BMP2: variants seen among roughly 807,000 people sequenced by gnomAD.
BMP2 encodes bone morphogenetic protein 2, also known as bone morphogenetic protein 2A.
BMP2 carries 2 observed loss-of-function variants against 28.8 expected under a neutral mutation model. The ratio of observed to expected loss-of-function variants is 0.07; its 90% CI spans 0.03 to 0.22. The LOEUF (loss-of-function observed/expected upper bound fraction) is 0.22. BMP2 is among the 10% of genes least tolerant of loss of function. The pLI, the probability that BMP2 is intolerant of heterozygous loss-of-function variation, is 1.00. For synonymous variants in BMP2, 218 were observed against 204.3 expected, an observed-to-expected ratio of 1.07 and a Z score of -0.57; for missense variants, 437 against 517.7, an observed-to-expected ratio of 0.84 and a Z score of 1.51.
chr20:6,776,872 T>TA lies in BMP2; in HGVS notation c.347-1372dup, dbSNP rs146314970. The stretch of plus-strand genomic sequence containing the variant: ...AGGCATCTAGATTCAGTGCACAACT[T>TA]ACAGCTGTTTGTCTTTAGGGGAAAT... On this transcript the variant is annotated intron_variant, in intron 2 of 2. Coordinates refer to ENST00000378827, the MANE Select transcript of BMP2 (RefSeq NM_001200.4). 0.013 allele frequency among the ~76,000 whole-genome samples: 2,032 copies of TA among 152,346 alleles called. 137 individuals carry two copies. The East Asian group carries it at 0.2, about 15-fold the overall frequency.
rs1320460456 is a variant in BMP2, at chr20:6,767,957, G to A, written c.-926G>A. On this transcript the variant is annotated 5_prime_UTR_variant, in exon 1 of 3. Transcript: ENST00000378827. The stretch of plus-strand genomic sequence containing the variant: ...ACAGCGCCGTGGCCTCTGCTGCCCG[G>A]GCTGCGCCAGAGCCGCGGACGGGCG... 1 of 395,910 alleles carries A rather than the reference G, an allele frequency of 2.5e-6. No individual in the cohort carries two copies. Among genetic ancestry groups the A allele is most frequent in the East Asian group, 3.6e-5 (1 of 27,850 alleles). The allele number at this position is 395,910 out of a possible 1,614,324, so 24.5% of individuals were successfully genotyped here. A position where few individuals can be genotyped will look rare whatever the true frequency, so the allele number is the denominator to read the frequency against.
chr20:6,774,424 G>A (rs1259213239), intron 2 of BMP2, among the ~76,000 whole-genome samples: 1 of 152,142 alleles, frequency 6.6e-6, no homozygotes, highest in Non-Finnish European at 1.5e-5. Flanking sequence ...TAATTGGGAG[G>A]CTGAGATGGG....
Position 6,767,842 on chromosome 20 carries a change from C to T in BMP2, c.-1041C>T. On this transcript the variant is annotated 5_prime_UTR_variant, in exon 1 of 3. Coordinates refer to ENST00000378827, the MANE Select transcript of BMP2 (RefSeq NM_001200.4). The stretch of plus-strand genomic sequence containing the variant: ...CCTCCGCCGGCTACCCGAACGTTCT[C>T]GGGGCCAGCGCCGAGTGGATCACCG... 8.6e-6 allele frequency: 3 copies of T among 346,920 alleles called. No homozygotes were observed. Among genetic ancestry groups the T allele is most frequent in the Non-Finnish European group, 1.6e-5 (3 of 193,284 alleles). 21.5% of individuals were successfully genotyped at this position (346,920 alleles called of 1,614,324 possible).
rs1468780503 is a variant in BMP2, at chr20:6,769,538, AG to A, written c.-7-578del. ...TGCCTTTCGAGACACCCCTGAGGGT[AG>A]GGGCCTGGGACACAAGTCATAAGTG... On this transcript the variant is annotated intron_variant, in intron 1 of 2. Coordinates refer to ENST00000378827, the MANE Select transcript of BMP2 (RefSeq NM_001200.4). 4.0e-5 allele frequency among the ~76,000 whole-genome samples: 6 copies of A among 151,690 alleles called. No homozygotes were observed. The East Asian group carries it at 1.2e-3, about 30-fold the overall frequency.
At chr20:6,773,336 A>AT (rs770239292) in intron 2 of BMP2, among the ~76,000 whole-genome samples, 5 of 152,252 alleles carry the variant, frequency 3.3e-5, no homozygotes, top group Non-Finnish European at 7.3e-5. Context: ...CTTACCTGGT[A>AT]TGGTTCCCTA....
At chr20:6,775,583 A>G (rs1466735646) in intron 2 of BMP2, among the ~76,000 whole-genome samples, 1 of 152,182 alleles carries the variant, frequency 6.6e-6, no homozygotes, top group Non-Finnish European at 1.5e-5. Context: ...GCCTACTTCC[A>G]CTGAGACCTT....
Position 6,778,898 on chromosome 20 carries a change from G to C in BMP2, c.1000G>C (p.Ala334Pro). Residue 334 changes from alanine to proline, a missense_variant, in exon 3 of 3, where the codon GCT (alanine) becomes CCT (proline). Physicochemically the swap from Ala to Pro is conservative, Grantham distance 27. Transcript: ENST00000378827. This position sits in a 1 kb window ranked among gnomAD's most constrained non-coding sequence, Gnocchi z 5.0. ...YCHGECPFPLADHLNSTNHAI... is the reference protein window; with the variant it reads ...YCHGECPFPLPDHLNSTNHAI... ...CCACGGAGAATGCCCTTTTCCTCTG[G>C]CTGATCATCTGAACTCCACTAATCA... The C allele has an allele frequency of 6.2e-7, 1 of 1,614,004 alleles. No individual in the cohort carries two copies. Among genetic ancestry groups the C allele is most frequent in the Non-Finnish European group, 8.5e-7 (1 of 1,180,004 alleles).
chr20:6,779,199 A>G lies in BMP2; in HGVS notation c.*110A>G, dbSNP rs935061082. On this transcript the variant is annotated 3_prime_UTR_variant, in exon 3 of 3. Coordinates refer to ENST00000378827, the MANE Select transcript of BMP2 (RefSeq NM_001200.4). Reference sequence around the variant, plus strand: ...CCAGTTGACACTTTAATATTTCCCAATGAAGACTTTATTTATGGAATGGAA... The same window carrying G: ...CCAGTTGACACTTTAATATTTCCCAGTGAAGACTTTATTTATGGAATGGAA... 5.8e-5 allele frequency: 24 copies of G among 415,626 alleles called. 1 individual carries two copies. The Admixed American group carries it at 6.0e-4, about 10-fold the overall frequency. 25.7% of individuals were successfully genotyped at this position (415,626 alleles called of 1,614,324 possible).
chr20:6,774,573 C>T (rs1018913376), intron 2 of BMP2, among the ~76,000 whole-genome samples: 14 of 152,092 alleles, frequency 9.2e-5, no homozygotes, highest in African/African-American at 2.2e-4. Flanking sequence ...ACCTGAGAAG[C>T]GCAGTAGATT....
chr20:6,774,357 C>T (rs923383867), intron 2 of BMP2, among the ~76,000 whole-genome samples: 3 of 152,012 alleles, frequency 2.0e-5, no homozygotes, highest in African/African-American at 7.3e-5. Flanking sequence ...GAAACCACAT[C>T]TCTACTAAAA....
Position 6,770,569 on chromosome 20 carries a change from G to T in BMP2, c.346+97G>T, listed in dbSNP as rs540355740. ...CGTCCCTGTAGAGGCAGCTTGGCCG[G>T]GGCACCAGCGGACGTTTCCACTCTT... is the stretch of plus-strand genomic sequence containing the variant. On this transcript the variant is annotated intron_variant, in intron 2 of 2. Coordinates refer to ENST00000378827, the MANE Select transcript of BMP2 (RefSeq NM_001200.4). 64 of 1,200,274 alleles carry T rather than the reference G, an allele frequency of 5.3e-5. 1 individual carries two copies. In the South Asian group the frequency reaches 1.0e-3, roughly 19 times the overall value. 74.4% of individuals were successfully genotyped at this position (1,200,274 alleles called of 1,614,324 possible). A position where few individuals can be genotyped will look rare whatever the true frequency, so the allele number is the denominator to read the frequency against.
At chr20:6,770,498 G>A (rs767580200) in intron 2 of BMP2, 26 bp downstream of exon 2, 23 of 1,551,868 alleles carry the variant, frequency 1.5e-5, no homozygotes, top group Non-Finnish European at 1.9e-5. Flanking sequence ...GGGCGTGGGG[G>A]CGGGGAGTCA....
In BMP2 at chr20:6,778,324, G is replaced by A. The variant is rs1986541876; in HGVS notation, c.426G>A (p.Glu142=). 5 of 1,614,074 alleles carry A rather than the reference G, an allele frequency of 3.1e-6. No homozygotes were observed. In the South Asian group the frequency reaches 4.4e-5, roughly 14 times the overall value. The change falls in exon 3 of 3, where the codon GAG becomes GAA. Residue 142 remains glutamate (E), a synonymous_variant. Transcript: ENST00000378827. This position sits in a 1 kb window ranked among gnomAD's most constrained non-coding sequence, Gnocchi z 5.0. ...FFFNLSSIPT[E]EFITSAELQV... ...TTAATTTAAGTTCTATCCCCACGGA[G>A]GAGTTTATCACCTCAGCAGAGCTTC...
At position 6,780,155 on chromosome 20, in the gene BMP2, A is replaced by G. The variant is rs1226938965; in HGVS notation, c.*1066A>G. On this transcript the variant is annotated 3_prime_UTR_variant, in exon 3 of 3. Coordinates refer to ENST00000378827, the MANE Select transcript of BMP2 (RefSeq NM_001200.4). ...CTGCCCACCCTCTGTTCTCTGACCT[A>G]TCAGCTTGCTTTTCTTTCCAAGGTT... 2 of 152,594 alleles carry G rather than the reference A, an allele frequency of 1.3e-5. No homozygotes were observed. Among genetic ancestry groups the G allele is most frequent in the Non-Finnish European group, 2.9e-5 (2 of 68,030 alleles). 9.5% of individuals were successfully genotyped at this position (152,594 alleles called of 1,614,324 possible).
rs1392756123 is a variant in BMP2, at chr20:6,779,191, A to G, written c.*102A>G. ...ACCCCACCCCAGTTGACACTTTAAT[A>G]TTTCCCAATGAAGACTTTATTTATG... On this transcript the variant is annotated 3_prime_UTR_variant, in exon 3 of 3. Coordinates refer to ENST00000378827, the MANE Select transcript of BMP2 (RefSeq NM_001200.4). The G allele has an allele frequency of 2.1e-6, 1 of 474,812 alleles. No individual in the cohort carries two copies. The highest frequency in any genetic ancestry group is 4.9e-5 in the Admixed American group (1 of 20,436). 29.4% of individuals were successfully genotyped at this position (474,812 alleles called of 1,614,324 possible).
chr20:6,779,096 A>C lies in BMP2; in HGVS notation c.*7A>C, dbSNP rs2122392024. The C allele has an allele frequency of 2.8e-6, 4 of 1,408,852 alleles. No individual in the cohort carries two copies. The highest frequency in any genetic ancestry group is 3.8e-6 in the Non-Finnish European group (4 of 1,059,662). 87.3% of individuals were successfully genotyped at this position (1,408,852 alleles called of 1,614,324 possible). ...GGGTTGTGGGTGTCGCTAGTACAGCAAAATTAAATACATAAATATATATAT... is the reference window on the plus strand; with the variant it reads ...GGGTTGTGGGTGTCGCTAGTACAGCCAAATTAAATACATAAATATATATAT... On this transcript the variant is annotated 3_prime_UTR_variant, in exon 3 of 3. Coordinates refer to ENST00000378827, the MANE Select transcript of BMP2 (RefSeq NM_001200.4).
At chr20:6,775,069 C>T (rs1257343037) in intron 2 of BMP2, among the ~76,000 whole-genome samples, 2 of 152,078 alleles carry the variant, frequency 1.3e-5, no homozygotes, top group Non-Finnish European at 2.9e-5. Flanking sequence ...AGGTCGAAAT[C>T]CTCAAATCCC....
At chr20:6,771,189 G>A (rs1986391373) in intron 2 of BMP2, among the ~76,000 whole-genome samples, 1 of 127,244 alleles carries the variant, frequency 7.9e-6, no homozygotes, top group Non-Finnish European at 1.7e-5. Context: ...CCGAAATGTG[G>A]ATTTTTTTTT....
intron 2 of BMP2, among the ~76,000 whole-genome samples, chr20:6,774,609 T>G (rs1165095368): frequency 6.6e-6 from 1 of 152,202 alleles, no homozygotes; most frequent in Non-Finnish European, 1.5e-5. Flanking sequence ...ACTTTTAATT[T>G]GCTAGCTCTG....
Sources: gnomAD v4.1 joint callset for allele counts (sites outside exome capture counted in the v4.1 genomes callset) on GRCh38, gnomAD v4.1.1 for gene constraint, Gnocchi (gnomAD v3.1) non-coding constraint, MANE v1.5 for transcripts, NCBI Gene and HGNC (gene_info 2026-07-23, HGNC 2026-07-21) for gene names.